DLG2: variants seen among roughly 807,000 people sequenced by gnomAD.
DLG2 encodes the protein disks large homolog 2.
Under a neutral mutation model 132.5 loss-of-function variants are expected in DLG2, and 45 were observed. The ratio of observed to expected loss-of-function variants is 0.34; its 90% CI spans 0.27 to 0.44. The LOEUF (loss-of-function observed/expected upper bound fraction) is 0.44. Among genes scored for constraint, DLG2 ranks in the 20% least tolerant of loss-of-function variants. DLG2 has a pLI of 1.00. For missense variants in DLG2, 1,045 were observed against 1,196.9 expected, an observed-to-expected ratio of 0.87 and a Z score of 1.87; for synonymous variants, 424 against 419.6, an observed-to-expected ratio of 1.01 and a Z score of -0.13.
intron 3 of DLG2, among the ~76,000 whole-genome samples, chr11:85,480,608 A>T (rs1240982917): frequency 6.6e-6 from 1 of 152,222 alleles, no homozygotes; most frequent in Non-Finnish European, 1.5e-5. Context: ...AACTATTTTT[A>T]AACCAATAAA....
chr11:84,024,198 G>T (rs2095478233), intron 11 of DLG2, among the ~76,000 whole-genome samples: 1 of 152,088 alleles, frequency 6.6e-6, no homozygotes, highest in African/African-American at 2.4e-5. Context: ...AGAAAGCACT[G>T]CATTCCTAAC....
chr11:85,181,828 G>A (rs1038215245), intron 4 of DLG2, among the ~76,000 whole-genome samples: 1 of 151,404 alleles, frequency 6.6e-6, no homozygotes, highest in African/African-American at 2.4e-5. Context: ...CTTCATCCTA[G>A]ATAAAAGATC....
intron 4 of DLG2, among the ~76,000 whole-genome samples, chr11:85,244,567 G>A (rs1182213526): frequency 6.6e-6 from 1 of 151,926 alleles, no homozygotes; most frequent in Non-Finnish European, 1.5e-5. Flanking sequence ...CCAGAGGAAG[G>A]AAATGATCAT....
At chr11:85,047,752 A>C (rs1263960996) in intron 6 of DLG2, among the ~76,000 whole-genome samples, 2 of 151,970 alleles carry the variant, frequency 1.3e-5, no homozygotes, top group Non-Finnish European at 2.9e-5. Context: ...AAATTCAAGT[A>C]GGAAAAAAAC....
At chr11:84,907,525 ATG>A (rs2091650673) in intron 6 of DLG2, among the ~76,000 whole-genome samples, 2 of 152,216 alleles carry the variant, frequency 1.3e-5, no homozygotes, top group African/African-American at 2.4e-5. Context: ...TAAGGAGTTT[ATG>A]TGTGAGTCAG....
At chr11:85,539,367 G>T (rs1441265832) in intron 3 of DLG2, among the ~76,000 whole-genome samples, 2 of 152,132 alleles carry the variant, frequency 1.3e-5, no homozygotes, top group Non-Finnish European at 2.9e-5. Flanking sequence ...TAAATGAATT[G>T]TTATGCTTTT....
chr11:85,319,764 T>C (rs1437569026), intron 3 of DLG2, among the ~76,000 whole-genome samples: 2 of 151,834 alleles, frequency 1.3e-5, no homozygotes, highest in Non-Finnish European at 3.0e-5. Context: ...TATAACTTTA[T>C]TTATGCTCTC....
intron 18 of DLG2, among the ~76,000 whole-genome samples, chr11:83,785,063 T>C (rs1282687978): frequency 2.2e-5 from 2 of 89,478 alleles, no homozygotes; most frequent in Non-Finnish European, 4.6e-5. Flanking sequence ...TGGATACTTA[T>C]TTTTTTTTTG....
At chr11:84,001,011 T>A (rs895591229) in intron 11 of DLG2, among the ~76,000 whole-genome samples, 2 of 151,346 alleles carry the variant, frequency 1.3e-5, no homozygotes, top group African/African-American at 2.4e-5. Flanking sequence ...TGGAAAACAA[T>A]AAAAGAAAAA....
intron 6 of DLG2, among the ~76,000 whole-genome samples, chr11:84,830,947 C>T (rs1209429422): frequency 2.2e-5 from 2 of 89,134 alleles, no homozygotes; most frequent in Admixed American, 1.1e-4. Context: ...GTCTCTCTCT[C>T]TCCTCCCCCC....
At chr11:85,071,850 T>C (rs1203479271) in intron 6 of DLG2, among the ~76,000 whole-genome samples, 1 of 151,842 alleles carries the variant, frequency 6.6e-6, no homozygotes, top group East Asian at 1.9e-4. Context: ...ATCTCTCTCT[T>C]GTGTTCAGAA....
At chr11:84,253,845 A>T (rs1169751951) in intron 7 of DLG2, among the ~76,000 whole-genome samples, 2 of 152,086 alleles carry the variant, frequency 1.3e-5, no homozygotes, top group Admixed American at 1.3e-4. Flanking sequence ...TTCCCCACTA[A>T]GCTGCTTCAT....
chr11:83,654,118 T>A (rs2071552600), intron 18 of DLG2, among the ~76,000 whole-genome samples: 1 of 152,176 alleles, frequency 6.6e-6, no homozygotes, highest in African/African-American at 2.4e-5. Flanking sequence ...TGGAAGTTCT[T>A]AAAGCAGTGA....
chr11:83,673,576 A>G (rs2077193090), intron 18 of DLG2, among the ~76,000 whole-genome samples: 1 of 152,164 alleles, frequency 6.6e-6, no homozygotes, highest in African/African-American at 2.4e-5. Context: ...TTTTTGTTCG[A>G]TTAAGGGGCT....
intron 5 of DLG2, among the ~76,000 whole-genome samples, chr11:85,140,885 C>T (rs2076424700): frequency 6.6e-6 from 1 of 151,886 alleles, no homozygotes; most frequent in Admixed American, 6.6e-5. Flanking sequence ...CCTCAAGTTC[C>T]ATCCATGTTG....
Position 84,146,233 on chromosome 11 carries a change from C to G in DLG2, c.624+17228G>C, listed in dbSNP as rs145356969. 3.1e-4 allele frequency among the ~76,000 whole-genome samples: 45 copies of G among 146,746 alleles called. No homozygotes were observed. In the East Asian group the frequency reaches 8.6e-3, roughly 28 times the overall value. ...TTTATGGCAACCTGCCAATGTTGTT[C>G]TACTGGAGAGCTTTGCTTTATCATC... On this transcript the variant is annotated intron_variant, in intron 9 of 27. Transcript: ENST00000376104.
chr11:84,847,656 T>C lies in DLG2; in HGVS notation c.357+264005A>G, dbSNP rs143174198. On this transcript the variant is annotated intron_variant, in intron 6 of 27. Transcript: ENST00000376104. Reference sequence around the variant, plus strand: ...TTTAGCTCAAGAAACAATTCCAAGGTGCTGCCAATAAAGCATGGCCTAAGG... The same window carrying C: ...TTTAGCTCAAGAAACAATTCCAAGGCGCTGCCAATAAAGCATGGCCTAAGG... Among the ~76,000 whole-genome samples, 401 of 152,212 alleles carry C rather than the reference T, an allele frequency of 2.6e-3. 2 individuals are homozygous for C. Among genetic ancestry groups the C allele is most frequent in the African/African-American group, 9.4e-3 (390 of 41,538 alleles).
intron 6 of DLG2, among the ~76,000 whole-genome samples, chr11:84,827,598 G>A (rs114239084): frequency 0.012 from 1,784 of 144,120 alleles, 36 homozygotes; most frequent in African/African-American, 0.044. Context: ...GCAGCCAGAG[G>A]GTAAAGCTTT....
intron 3 of DLG2, among the ~76,000 whole-genome samples, chr11:85,311,500 A>G (rs907263959): frequency 6.6e-6 from 1 of 152,132 alleles, no homozygotes; most frequent in South Asian, 2.1e-4. Flanking sequence ...CCAAAAATCA[A>G]TAGAATCATG....
Sources: gnomAD v4.1 joint callset for allele counts (sites outside exome capture counted in the v4.1 genomes callset) on GRCh38, gnomAD v4.1.1 for gene constraint, MANE v1.5 for transcripts, NCBI Gene and HGNC (gene_info 2026-07-23, HGNC 2026-07-21) for gene names.